PCDHGB2: variants seen among roughly 807,000 people sequenced by gnomAD.
PCDHGB2 encodes the protein protocadherin gamma-B2.
PCDHGB2 carries 55 observed loss-of-function variants against 59.3 expected under a neutral mutation model. That is an observed-to-expected ratio of 0.93 (90% CI 0.75 to 1.16). The LOEUF (loss-of-function observed/expected upper bound fraction) is 1.16, where lower values mean the gene tolerates loss of function less well. Among genes scored for constraint, PCDHGB2 ranks in the 50% most tolerant of loss-of-function variants. PCDHGB2 has a pLI of 0.00. For synonymous variants in PCDHGB2, 516 were observed against 512.0 expected (o/e 1.01, Z -0.11); for missense variants, 1,228 against 1,198.5 (o/e 1.02, Z -0.36).
chr5:141,389,770 C>A, intron 1 of PCDHGB2: 4 of 1,613,166 alleles, frequency 2.5e-6, no homozygotes, highest in Non-Finnish European at 3.4e-6. Context: ...ACAGCGCGTG[C>A]CTTAGGCGAC....
rs367687761 is a variant in PCDHGB2, at chr5:141,361,606, A to G, written c.1471A>G (p.Ile491Val). The G allele has an allele frequency of 1.9e-6, 3 of 1,613,784 alleles. No homozygotes were observed. The highest frequency in any genetic ancestry group is 2.7e-5 in the African/African-American group (2 of 74,916). Residue 491 changes from isoleucine to valine, a missense_variant, in exon 1 of 4, where the codon ATC becomes GTC. Transcript: ENST00000522605. The part of the protein sequence containing the change: ...LGPSGQVSYS[I>V]VASDLKPREI... ...CCCCAGTGGCCAAGTTTCCTACTCC[A>G]TCGTAGCGAGCGACCTGAAGCCGCG...
At chr5:141,419,094 G>C in intron 1 of PCDHGB2, 2 of 1,613,894 alleles carry the variant, frequency 1.2e-6, no homozygotes, top group Non-Finnish European at 1.7e-6. Context: ...GCCCTGGATC[G>C]GGAGCAGACC....
At chr5:141,382,883 A>G in intron 1 of PCDHGB2, 5 of 1,528,792 alleles carry the variant, frequency 3.3e-6, no homozygotes, top group Non-Finnish European at 4.4e-6. Context: ...CGCCTAAGCA[A>G]GAGAAGCAGG....
intron 1 of PCDHGB2, chr5:141,392,130 A>T (rs770884253): frequency 6.6e-6 from 1 of 152,238 alleles, no homozygotes; most frequent in African/African-American, 2.4e-5. Context: ...TTGTAAAATG[A>T]TTAAGTAGTT....
In PCDHGB2 at chr5:141,477,955, C is replaced by T. The variant is rs748233998; in HGVS notation, c.2422-16852C>T. The T allele has an allele frequency of 3.7e-6, 6 of 1,614,004 alleles. No homozygotes were observed. Among genetic ancestry groups the T allele is most frequent in the Admixed American group, 3.3e-5 (2 of 59,988 alleles). On this transcript the variant is annotated intron_variant, in intron 1 of 3. Transcript: ENST00000522605. This position sits in a 1 kb window ranked among gnomAD's most constrained non-coding sequence, Gnocchi z 4.9. ...GGCTCTCCTACAGTCTCTTGGGATCCCCTAACCAGAGCCTTTTTGCCATAG... is the reference window on the plus strand; with the variant it reads ...GGCTCTCCTACAGTCTCTTGGGATCTCCTAACCAGAGCCTTTTTGCCATAG...
chr5:141,422,780 T>C, intron 1 of PCDHGB2: 2 of 1,614,140 alleles, frequency 1.2e-6, no homozygotes, highest in Non-Finnish European at 1.7e-6. Context: ...CTCTATGCCC[T>C]ACAATCCTTC....
At chr5:141,498,967 GGGAGGGAAGGAAGGAAGGAA>G (rs1464205074) in intron 2 of PCDHGB2, among the ~76,000 whole-genome samples, 5 of 129,584 alleles carry the variant, frequency 3.9e-5, no homozygotes, top group African/African-American at 1.6e-4. Flanking sequence ...GAGGGAGGGA[GGGAGGGAAGGAAGGAAGGAA>G]GGAAGGAAGG....
intron 1 of PCDHGB2, chr5:141,427,070 G>A (rs929936578): frequency 3.1e-5 from 14 of 457,822 alleles, no homozygotes; most frequent in Non-Finnish European, 6.2e-5. Context: ...TACTAAAGGT[G>A]ACAGCCACTG....
chr5:141,506,444 CAAAAAA>C (rs1219684339), intron 3 of PCDHGB2, among the ~76,000 whole-genome samples: 1 of 95,026 alleles, frequency 1.1e-5, no homozygotes, highest in African/African-American at 4.0e-5. Flanking sequence ...CGCTCTGTCT[CAAAAAA>C]AAAAAAAAAA....
At chr5:141,394,910 C>T in intron 1 of PCDHGB2, 1 of 1,613,766 alleles carries the variant, frequency 6.2e-7, no homozygotes. Context: ...CAGTGGCTGC[C>T]ATCTCCTGTG....
chr5:141,375,611 G>A lies in PCDHGB2; in HGVS notation c.2421+13055G>A, dbSNP rs1049659012. 8 of 1,614,060 alleles carry A rather than the reference G, an allele frequency of 5.0e-6. No individual in the cohort carries two copies. The African/African-American group carries it at 8.0e-5, about 16-fold the overall frequency. On this transcript the variant is annotated intron_variant, in intron 1 of 3. Transcript: ENST00000522605. ...GTCCTCCTACGTGTCCATCAACTCC[G>A]ACACTGGGATTCTGTACGCCCTGCG...
intron 1 of PCDHGB2, among the ~76,000 whole-genome samples, chr5:141,452,585 G>A (rs1310395736): frequency 6.6e-6 from 1 of 151,984 alleles, no homozygotes; most frequent in Non-Finnish European, 1.5e-5. Context: ...TTCCATCTTT[G>A]TATTTTTATT....
At chr5:141,475,448 G>A (rs774710049) in intron 1 of PCDHGB2, among the ~76,000 whole-genome samples, 1 of 152,214 alleles carries the variant, frequency 6.6e-6, no homozygotes, top group Non-Finnish European at 1.5e-5. Flanking sequence ...CAGATAATGA[G>A]GAAGTGACAG....
intron 1 of PCDHGB2, chr5:141,478,158 C>G: frequency 6.2e-7 from 1 of 1,614,054 alleles, no homozygotes; most frequent in Non-Finnish European, 8.5e-7. Flanking sequence ...CCCTCTGGCT[C>G]TGCCCCCCGG....
At position 141,481,719 on chromosome 5, in the gene PCDHGB2, G is replaced by A. The variant is rs1055207250; in HGVS notation, c.2422-13088G>A. On this transcript the variant is annotated intron_variant, in intron 1 of 3. Coordinates refer to ENST00000522605, the MANE Select transcript of PCDHGB2 (RefSeq NM_018923.3). ...CTGTAATCCCAGCACTTTGGGAGGC[G>A]GAGGCGGGCGGATCACGAGGTCAGG... 5.3e-5 allele frequency among the ~76,000 whole-genome samples: 8 copies of A among 151,716 alleles called. No homozygotes were observed. In the East Asian group the frequency reaches 9.7e-4, roughly 18 times the overall value.
At chr5:141,374,919 A>G in intron 1 of PCDHGB2, 2 of 1,613,932 alleles carry the variant, frequency 1.2e-6, no homozygotes, top group Non-Finnish European at 1.7e-6. Flanking sequence ...GAAGTAACTT[A>G]TTCCTTTGTG....
rs2095356668 is a variant in PCDHGB2, at chr5:141,410,094, C to T, written c.2421+47538C>T. Reference sequence around the variant, plus strand: ...ACTGGGGAGGTGCGCACGGCTCGAGCCTTAGGCGACAGGGACGCAGCCCGC... The same window carrying T: ...ACTGGGGAGGTGCGCACGGCTCGAGTCTTAGGCGACAGGGACGCAGCCCGC... On this transcript the variant is annotated intron_variant, in intron 1 of 3. Coordinates refer to ENST00000522605, the MANE Select transcript of PCDHGB2 (RefSeq NM_018923.3). 6.2e-7 allele frequency: 1 copy of T among 1,612,528 alleles called. No homozygotes were observed. Among genetic ancestry groups the T allele is most frequent in the Non-Finnish European group, 8.5e-7 (1 of 1,179,670 alleles).
At chr5:141,415,589 T>A in intron 1 of PCDHGB2, 1 of 1,614,062 alleles carries the variant, frequency 6.2e-7, no homozygotes, top group East Asian at 2.2e-5. Flanking sequence ...AAGTTTCCTA[T>A]AGAGGATACC....
At chr5:141,418,436 G>A in intron 1 of PCDHGB2, 1 of 1,614,000 alleles carries the variant, frequency 6.2e-7, no homozygotes. Flanking sequence ...CAAATATCCA[G>A]AATTAGTATT....
Sources: gnomAD v4.1 joint callset for allele counts (sites outside exome capture counted in the v4.1 genomes callset) on GRCh38, gnomAD v4.1.1 for gene constraint, Gnocchi (gnomAD v3.1) non-coding constraint, MANE v1.5 for transcripts, NCBI Gene and HGNC (gene_info 2026-07-23, HGNC 2026-07-21) for gene names.